Variants in ZNF550 observed in about 807,000 individuals in gnomAD.
The protein encoded by ZNF550 is zinc finger protein 550.
Under a neutral mutation model 40.2 loss-of-function variants are expected in ZNF550, and 42 were observed. The ratio of observed to expected loss-of-function variants is 1.05; its 90% CI spans 0.82 to 1.35. The LOEUF (loss-of-function observed/expected upper bound fraction) is 1.35. Ranked by LOEUF, ZNF550 falls within the 40% of genes most tolerant of loss-of-function variation. The probability of loss-of-function intolerance (pLI) is 0.00; values close to 1 mark genes in which losing one functional copy is unlikely to be tolerated. For missense variants in ZNF550, 549 were observed against 525.2 expected, an observed-to-expected ratio of 1.05 and a Z score of -0.44; for synonymous variants, 223 against 198.6, an observed-to-expected ratio of 1.12 and a Z score of -1.03.
chr19:57,544,634 A>G, intron 4 of ZNF550: 1 of 984,562 alleles, frequency 1.0e-6, no homozygotes, highest in Non-Finnish European at 1.2e-6. Flanking sequence ...TTCTATTTAT[A>G]ATATGTGCAA....
chr19:57,546,654 A>G, exon 4 of ZNF550: 1 of 1,090,984 alleles, frequency 9.2e-7, no homozygotes, highest in South Asian at 3.7e-5. Flanking sequence ...CTTAATAGTT[A>G]TATTTGGAAT....
Position 57,554,875 on chromosome 19 carries a change from T to G in ZNF550, c.154+1356A>C, listed in dbSNP as rs767839226. On this transcript the variant is annotated intron_variant, in intron 2 of 4. Coordinates refer to ENST00000457177, the Ensembl canonical transcript of ZNF550. The surrounding 1 kb of genome is among the most constrained non-coding windows in gnomAD (Gnocchi z 4.5). ...TTCCACCTCCTTCTATCCAGCTAAC[T>G]CCTACTCAGCTTTCAGGTCTCAGCT... 1 of 152,268 alleles carries G rather than the reference T, an allele frequency of 6.6e-6. No individual in the cohort carries two copies. Among genetic ancestry groups the G allele is most frequent in the Non-Finnish European group, 1.5e-5 (1 of 68,064 alleles). The allele number at this position is 152,268 out of a possible 1,614,324, so 9.4% of individuals were successfully genotyped here.
At chr19:57,555,078 CTTT>C (rs951208929) in intron 2 of ZNF550, 8 of 152,228 alleles carry the variant, frequency 5.3e-5, no homozygotes, top group Admixed American at 4.6e-4. Flanking sequence ...CTAATAACTT[CTTT>C]ATCCTGACCC....
chr19:57,559,553 G>A, intron 1 of ZNF550, 103 bp downstream of exon 1: 2 of 1,147,360 alleles, frequency 1.7e-6, no homozygotes, highest in Non-Finnish European at 2.3e-6. Flanking sequence ...AGAAGCAACG[G>A]CAGGGACTGC....
exon 4 of ZNF550, chr19:57,546,523 C>G: frequency 2.0e-6 from 2 of 990,336 alleles, no homozygotes; most frequent in Non-Finnish European, 2.4e-6. Flanking sequence ...CAGCATGGCT[C>G]TTTATAGGAC....
rs536662513 is a variant in ZNF550 at position 57,556,498 on chromosome 19, G to A, written c.28-141C>T. 9 of 1,047,076 alleles carry A rather than the reference G, an allele frequency of 8.6e-6. No individual in the cohort carries two copies. In the East Asian group the frequency reaches 1.2e-4, roughly 15 times the overall value. The allele number at this position is 1,047,076 out of a possible 1,614,324, so 64.9% of individuals were successfully genotyped here. On this transcript the variant is annotated intron_variant, in intron 1 of 4. Transcript: ENST00000457177. Reference sequence around the variant, plus strand: ...TCCTTTGGGCTGACTTCCGTGCAGGGCTCAAAGGGGAGGCAGATACTGCCT... The same window carrying A: ...TCCTTTGGGCTGACTTCCGTGCAGGACTCAAAGGGGAGGCAGATACTGCCT...
upstream of ZNF550, among the ~76,000 whole-genome samples, chr19:57,561,154 T>C (rs991359186): frequency 3.8e-4 from 58 of 152,312 alleles, no homozygotes; most frequent in African/African-American, 1.3e-3. The surrounding 1 kb of genome is among the most constrained non-coding windows in gnomAD (Gnocchi z 4.9). Flanking sequence ...AGTTCTTGTT[T>C]TTATTTGTTG....
chr19:57,552,894 G>T, intron 2 of ZNF550, 172 bp from the exon 3 acceptor site: 1 of 573,442 alleles, frequency 1.7e-6, no homozygotes, highest in Non-Finnish European at 3.1e-6. Context: ...AGTGAGCTGT[G>T]TTCCCCATAA....
At chr19:57,547,897 G>A in exon 4 of ZNF550, 1 of 1,614,096 alleles carries the variant, frequency 6.2e-7, no homozygotes. Context: ...ACTTGAGGTT[G>A]AAGATTCCAG....
In ZNF550 at chr19:57,546,475, A is replaced by G. The variant is rs1002453161; in HGVS notation, c.*500T>C. The G allele has an allele frequency of 1.5e-5, 15 of 987,402 alleles. No homozygotes were observed. In the African/African-American group the frequency reaches 2.3e-4, roughly 15 times the overall value. The allele number at this position is 987,402 out of a possible 1,614,324, so 61.2% of individuals were successfully genotyped here. A position where few individuals can be genotyped will look rare whatever the true frequency, so the allele number is the denominator to read the frequency against. ...AAGATACCTGTAACTGAAGGTTTTC[A>G]TAAGTTCATAGAGAAAATCCCAAGG... On this transcript the variant is annotated 3_prime_UTR_variant, in exon 4 of 5. Coordinates refer to ENST00000457177, the Ensembl canonical transcript of ZNF550.
chr19:57,552,449 T>C (rs2090080467), intron 3 of ZNF550, 178 bp downstream of exon 3: 1 of 541,988 alleles, frequency 1.8e-6, no homozygotes, highest in Non-Finnish European at 3.3e-6. Context: ...TGTCTCTGAA[T>C]AATTGTGTGG....
chr19:57,543,651 C>A, intron 4 of ZNF550: 1 of 985,262 alleles, frequency 1.0e-6, no homozygotes, highest in Non-Finnish European at 1.2e-6. Flanking sequence ...AACGTTTTAC[C>A]TCTGCCGGGC....
At chr19:57,544,273 C>A in intron 4 of ZNF550, 1 of 985,384 alleles carries the variant, frequency 1.0e-6, no homozygotes, top group Non-Finnish European at 1.2e-6. Context: ...ATCCTTGTAC[C>A]AAACACTTCA....
chr19:57,548,034 T>C, intron 3 of ZNF550, 41 bp from the exon 4 acceptor site: 1 of 1,549,774 alleles, frequency 6.5e-7, no homozygotes, highest in Non-Finnish European at 8.7e-7. Context: ...CTTTTAGTGA[T>C]AAAATATAGA....
At chr19:57,552,403 A>T in intron 3 of ZNF550, 1 of 508,400 alleles carries the variant, frequency 2.0e-6, no homozygotes, top group Non-Finnish European at 3.5e-6. Flanking sequence ...AGCCAGAGCA[A>T]CCATAAAGAT....
At chr19:57,552,646 G>C (rs1279975694) in exon 3 of ZNF550, 1 of 1,597,826 alleles carries the variant, frequency 6.3e-7, no homozygotes, top group South Asian at 1.1e-5. Context: ...TAGCATGTGA[G>C]AGGCCTCTCT....
Sources: allele counts gnomAD v4.1 joint callset (sites outside exome capture counted in the v4.1 genomes callset), GRCh38; gene constraint gnomAD v4.1.1; non-coding constraint Gnocchi (gnomAD v3.1); transcripts MANE v1.5; gene names NCBI Gene and HGNC (gene_info 2026-07-23, HGNC 2026-07-21).